PIGN: variants seen among roughly 807,000 people sequenced by gnomAD.
PIGN encodes GPI ethanolamine phosphate transferase 1.
Under a neutral mutation model 125.4 loss-of-function variants are expected in PIGN, and 117 were observed. The ratio of observed to expected loss-of-function variants is 0.93; its 90% CI spans 0.80 to 1.09. The LOEUF is 1.09. Among genes scored for constraint, PIGN ranks in the 50% least tolerant of loss-of-function variants. The probability of loss-of-function intolerance (pLI) is 0.00; values close to 1 mark genes in which losing one functional copy is unlikely to be tolerated. For missense variants in PIGN, 1,075 were observed against 1,094.9 expected (o/e 0.98, Z 0.26); for synonymous variants, 392 against 377.8 (o/e 1.04, Z -0.44).
intron 13 of PIGN, among the ~76,000 whole-genome samples, chr18:62,138,607 G>A (rs1165473380): frequency 6.6e-6 from 1 of 152,116 alleles, no homozygotes; most frequent in African/African-American, 2.4e-5. Context: ...ATAACAGAAG[G>A]TTTTAGTCAA....
At chr18:62,169,017 A>C (rs2037256110) in intron 1 of PIGN, among the ~76,000 whole-genome samples, 2 of 151,930 alleles carry the variant, frequency 1.3e-5, no homozygotes, top group Non-Finnish European at 2.9e-5. Flanking sequence ...CACCATGCTC[A>C]GCTATTTTTG....
chr18:62,138,135 T>C (rs1029906467), intron 14 of PIGN, 108 bp downstream of exon 14: 5 of 1,429,456 alleles, frequency 3.5e-6, no homozygotes, highest in Middle Eastern at 1.8e-4. Flanking sequence ...CTAATGTATA[T>C]AAAATGGCAA....
intron 20 of PIGN, chr18:62,104,964 T>C (rs1179189539): frequency 2.6e-5 from 4 of 152,144 alleles, no homozygotes; most frequent in Admixed American, 6.5e-5. Flanking sequence ...TTTAGGTCTA[T>C]TGAAGAGAAA....
chr18:62,161,069 T>C, intron 4 of PIGN, 64 bp downstream of exon 4: 1 of 1,005,638 alleles, frequency 9.9e-7, no homozygotes, highest in Non-Finnish European at 1.5e-6. Context: ...GTAAGATATT[T>C]TGCAGTTTAC....
At chr18:62,134,045 A>G (rs1289152011) in intron 14 of PIGN, among the ~76,000 whole-genome samples, 3 of 151,884 alleles carry the variant, frequency 2.0e-5, no homozygotes, top group Admixed American at 1.3e-4. Context: ...TCCCCACTCA[A>G]TTTGGCTATA....
chr18:62,032,987 T>C (rs968786111), intron 23 of PIGN, among the ~76,000 whole-genome samples: 1 of 152,360 alleles, frequency 6.6e-6, no homozygotes, highest in Non-Finnish European at 1.5e-5. Context: ...CAAAAGTTTT[T>C]AGGATACAAA....
intron 1 of PIGN, among the ~76,000 whole-genome samples, chr18:62,168,066 C>CTGTAATT (rs1227943434): frequency 7.0e-5 from 1 of 14,196 alleles, no homozygotes; most frequent in African/African-American, 1.4e-4. Context: ...TGGTGGCGCA[C>CTGTAATT]CCAACCACTT....
intron 1 of PIGN, among the ~76,000 whole-genome samples, chr18:62,167,677 ACACT>A (rs1429268347): frequency 1.9e-5 from 2 of 102,674 alleles, no homozygotes; most frequent in Non-Finnish European, 4.5e-5. Flanking sequence ...TCTCCATAAC[ACACT>A]CTCTCTCTCT....
chr18:62,033,777 C>T (rs12605800), intron 23 of PIGN, among the ~76,000 whole-genome samples: 32,326 of 152,062 alleles, frequency 0.21, 3,735 homozygotes, highest in East Asian at 0.31. Context: ...ATCATCTATA[C>T]CCATACTTTA....
intron 28 of PIGN, among the ~76,000 whole-genome samples, chr18:62,080,081 T>C (rs2033373726): frequency 6.6e-6 from 1 of 152,186 alleles, no homozygotes; most frequent in Admixed American, 6.5e-5. Context: ...ATAGAGGGCA[T>C]GAGAAAACTA....
intron 16 of PIGN, among the ~76,000 whole-genome samples, chr18:62,112,096 T>G (rs1223613964): frequency 6.6e-6 from 1 of 152,160 alleles, no homozygotes; most frequent in Non-Finnish European, 1.5e-5. Context: ...CTTCCTTTTT[T>G]GCAAACATAA....
At position 62,139,011 on chromosome 18, in the gene PIGN, T is replaced by C. The variant is rs768729048; in HGVS notation, c.1088A>G (p.Asn363Ser). 3.1e-6 allele frequency: 5 copies of C among 1,609,462 alleles called. No homozygotes were observed. The highest frequency in any genetic ancestry group is 4.2e-6 in the Non-Finnish European group (5 of 1,177,240). ...GAACTGTTCAAGAATCTGTACTGCA[T>C]TTGTAAACATGCTCTCTGCTTTGAA... ...DLFKAESMFTNAVQILEQFKV... is the reference protein window; with the variant it reads ...DLFKAESMFTSAVQILEQFKV... The change falls in exon 13 of 31, where the codon AAT (asparagine) becomes AGT (serine). Residue 363 changes from asparagine to serine, a missense_variant. Transcript: ENST00000640252.
intron 14 of PIGN, chr18:62,137,163 T>C (rs2035964166): frequency 7.5e-6 from 3 of 398,570 alleles, no homozygotes. Flanking sequence ...TGCTGAGTTT[T>C]CCAGCCTCAT....
At chr18:62,079,563 G>A (rs1358849427) in intron 28 of PIGN, among the ~76,000 whole-genome samples, 1 of 152,116 alleles carries the variant, frequency 6.6e-6, no homozygotes, top group Admixed American at 6.5e-5. Context: ...AGACCTGGTA[G>A]AAACAACACC....
intron 14 of PIGN, among the ~76,000 whole-genome samples, chr18:62,117,833 C>T (rs903231062): frequency 6.6e-6 from 1 of 151,932 alleles, no homozygotes; most frequent in Non-Finnish European, 1.5e-5. Context: ...CTTTCTGTGG[C>T]GGCCTTATTT....
At position 62,113,224 on chromosome 18, in the gene PIGN, A is replaced by C; in HGVS notation, c.1344T>G (p.Val448=). ...YDRFFLGVNV[V]IGFVGWISYA... The stretch of plus-strand genomic sequence containing the variant: ...AAGATATCCATCCCACAAAACCAAT[A>C]ACAACATTGACGCCCAAAAAGAATC... The change falls in exon 16 of 31, where the codon GTT becomes GTG. Residue 448 remains valine, a synonymous_variant. Coordinates refer to ENST00000640252, the MANE Select transcript of PIGN (RefSeq NM_176787.5). 1 of 1,613,102 alleles carries C rather than the reference A, an allele frequency of 6.2e-7. No individual in the cohort carries two copies. The highest frequency in any genetic ancestry group is 8.5e-7 in the Non-Finnish European group (1 of 1,179,414).
intron 23 of PIGN, among the ~76,000 whole-genome samples, chr18:62,023,844 T>C (rs1187053260): frequency 6.6e-6 from 1 of 152,248 alleles, no homozygotes; most frequent in African/African-American, 2.4e-5. Flanking sequence ...TCACTGATCA[T>C]GATGTGCATC....
intron 14 of PIGN, among the ~76,000 whole-genome samples, chr18:62,121,630 C>T (rs1011806957): frequency 6.6e-6 from 1 of 151,832 alleles, no homozygotes; most frequent in African/African-American, 2.4e-5. Context: ...TTTGTCTTTC[C>T]GTGTCGCTCT....
At chr18:62,100,090 A>G (rs2034375436) in intron 22 of PIGN, among the ~76,000 whole-genome samples, 1 of 152,216 alleles carries the variant, frequency 6.6e-6, no homozygotes, top group Admixed American at 6.5e-5. Flanking sequence ...AATAACCAAA[A>G]TATATAAAAA....
Sources: allele counts gnomAD v4.1 joint callset (sites outside exome capture counted in the v4.1 genomes callset), GRCh38; gene constraint gnomAD v4.1.1; transcripts MANE v1.5; gene names NCBI Gene and HGNC (gene_info 2026-07-23, HGNC 2026-07-21).